Variants in CCDC148 observed in about 807,000 individuals in gnomAD.
CCDC148 encodes coiled-coil domain containing 148.
A neutral mutation model predicts 85.7 loss-of-function variants in CCDC148; 89 were observed. The ratio of observed to expected loss-of-function variants is 1.04; its 90% CI spans 0.87 to 1.24. The LOEUF (loss-of-function observed/expected upper bound fraction) is 1.24, where lower values mean the gene tolerates loss of function less well. CCDC148 is among the 50% of genes most tolerant of loss of function. The pLI, the probability that CCDC148 is intolerant of heterozygous loss-of-function variation, is 0.00. For missense variants in CCDC148, 692 were observed against 671.7 expected, an observed-to-expected ratio of 1.03 and a Z score of -0.33; for synonymous variants, 230 against 213.9, an observed-to-expected ratio of 1.08 and a Z score of -0.66.
chr2:158,267,381 G>A (rs1471865827), intron 9 of CCDC148, among the ~76,000 whole-genome samples: 1 of 152,128 alleles, frequency 6.6e-6, no homozygotes, highest in African/African-American at 2.4e-5. Flanking sequence ...GACGAGACAA[G>A]GCAATCATTT....
In CCDC148 at chr2:158,228,796, C is replaced by T. The variant is rs1207901130; in HGVS notation, c.1252-8083G>A. ...ACACAGAAAGGGGAACATCACACAC[C>T]CGGGCCTGTTGTGGGGTTGGGGGGA... is the stretch of plus-strand genomic sequence containing the variant. On this transcript the variant is annotated intron_variant, in intron 10 of 13. Transcript: ENST00000283233. Among the ~76,000 whole-genome samples, 4 of 92,748 alleles carry T rather than the reference C, an allele frequency of 4.3e-5. No individual in the cohort carries two copies. The Admixed American group carries it at 6.5e-4, about 15-fold the overall frequency. 60.8% of individuals were successfully genotyped at this position (92,748 alleles called of 152,430 possible).
Position 158,309,644 on chromosome 2 carries a change from AAAGAT to A in CCDC148, c.904-10_904-6del. The A allele has an allele frequency of 6.2e-7, 1 of 1,601,192 alleles. No homozygotes were observed. Among genetic ancestry groups the A allele is most frequent in the Non-Finnish European group, 8.5e-7 (1 of 1,170,094 alleles). On this transcript the variant is annotated splice_region_variant and splice_polypyrimidine_tract_variant and intron_variant, in intron 8 of 13. Transcript: ENST00000283233. ...ACAATATTTCTCGTGTTCAACCTGAAAAGATAACAGAGGGTGAATACTTATCATTA... is the reference window on the plus strand; with the variant it reads ...ACAATATTTCTCGTGTTCAACCTGAAAACAGAGGGTGAATACTTATCATTA...
chr2:158,352,652 T>A (rs1458218949), intron 2 of CCDC148, among the ~76,000 whole-genome samples: 6 of 152,232 alleles, frequency 3.9e-5, no homozygotes, highest in South Asian at 2.1e-4. Context: ...AAAACAGTCT[T>A]CAGGATATTA....
rs751709913 is a variant in CCDC148, at chr2:158,338,884, T to C, written c.606A>G (p.Glu202=). The change falls in exon 7 of 14, where the codon GAA becomes GAG. Residue 202 remains glutamate (E), a synonymous_variant. Transcript: ENST00000283233. The stretch of plus-strand genomic sequence containing the variant: ...GCAGTTCACTAAGCGGGTTAGTCTT[T>C]TCTTCCAAAGAATGATCTAGAATCT... The part of the protein sequence containing the change: ...SIKILDHSLE[E]KTNPLSELPI... 3 of 1,606,734 alleles carry C rather than the reference T, an allele frequency of 1.9e-6. No individual in the cohort carries two copies. The highest frequency in any genetic ancestry group is 2.5e-6 in the Non-Finnish European group (3 of 1,178,110).
In CCDC148 at chr2:158,250,865, C is replaced by A. The variant is rs201864639; in HGVS notation, c.1158G>T (p.Met386Ile). ...AHQEEVARLEMEISARRREKE... is the reference protein window; with the variant it reads ...AHQEEVARLEIEISARRREKE... Reference sequence around the variant, plus strand: ...TTTCTCTTCTTCTGGCAGAAATTTCCATTTCCAGTCTTGCTACCTCTTCTT... The same window carrying A: ...TTTCTCTTCTTCTGGCAGAAATTTCAATTTCCAGTCTTGCTACCTCTTCTT... The change falls in exon 10 of 14, where the codon ATG becomes ATT. Residue 386 changes from methionine to isoleucine, a missense_variant. Physicochemically the swap from Met to Ile is conservative, Grantham distance 10 (BLOSUM62 1). Coordinates refer to ENST00000283233, the MANE Select transcript of CCDC148 (RefSeq NM_138803.4). 7.3e-5 allele frequency: 118 copies of A among 1,608,018 alleles called. No homozygotes were observed. The East Asian group carries it at 2.5e-3, about 34-fold the overall frequency.
chr2:158,259,793 C>G (rs1275508715), intron 9 of CCDC148, among the ~76,000 whole-genome samples: 2 of 151,852 alleles, frequency 1.3e-5, no homozygotes, highest in African/African-American at 4.8e-5. Context: ...GGCTTTTGTC[C>G]TTCTCTGCCT....
chr2:158,359,833 C>A (rs576417925), intron 1 of CCDC148, among the ~76,000 whole-genome samples: 33 of 152,262 alleles, frequency 2.2e-4, no homozygotes, highest in African/African-American at 7.2e-4. Flanking sequence ...GAACCATTCA[C>A]TCCCCTGGAA....
chr2:158,404,215 G>A (rs1324630061), intron 1 of CCDC148, among the ~76,000 whole-genome samples: 1 of 152,064 alleles, frequency 6.6e-6, no homozygotes, highest in Non-Finnish European at 1.5e-5. Flanking sequence ...CACTCCTGAG[G>A]TTGAAAGGGG....
intron 10 of CCDC148, among the ~76,000 whole-genome samples, chr2:158,237,505 C>T (rs115275099): frequency 0.027 from 4,068 of 152,058 alleles, 158 homozygotes; most frequent in African/African-American, 0.087. Flanking sequence ...AACAGGTAAG[C>T]GTATAAGGGC....
intron 2 of CCDC148, among the ~76,000 whole-genome samples, chr2:158,347,337 A>G (rs1451701315): frequency 6.6e-6 from 1 of 152,144 alleles, no homozygotes; most frequent in Admixed American, 6.5e-5. Flanking sequence ...GTAGACTATA[A>G]AAGTCAAAAT....
intron 1 of CCDC148, among the ~76,000 whole-genome samples, chr2:158,384,384 T>A (rs1272544775): frequency 6.6e-6 from 1 of 152,202 alleles, no homozygotes; most frequent in Non-Finnish European, 1.5e-5. Context: ...TAATCCCCAG[T>A]GCTGGAGGAG....
intron 9 of CCDC148, among the ~76,000 whole-genome samples, chr2:158,256,550 G>A (rs1003667593): frequency 6.6e-6 from 1 of 151,716 alleles, no homozygotes; most frequent in African/African-American, 2.4e-5. Context: ...GTGTGATGTG[G>A]TTGTTTTATA....
At chr2:158,435,855 C>G (rs531178249) in intron 1 of CCDC148, among the ~76,000 whole-genome samples, 5 of 151,954 alleles carry the variant, frequency 3.3e-5, no homozygotes, top group African/African-American at 1.2e-4. Flanking sequence ...GACTTTGAAC[C>G]GACAAAGATC....
chr2:158,331,242 G>A (rs896519835), intron 7 of CCDC148, among the ~76,000 whole-genome samples: 1 of 152,082 alleles, frequency 6.6e-6, no homozygotes, highest in Non-Finnish European at 1.5e-5. Flanking sequence ...ACACCTTTAT[G>A]TCTGCCTTCA....
At chr2:158,393,703 A>G (rs1279442899) in intron 1 of CCDC148, among the ~76,000 whole-genome samples, 2 of 152,156 alleles carry the variant, frequency 1.3e-5, no homozygotes, top group Admixed American at 1.3e-4. Context: ...AAAATTAAAT[A>G]GATGAGCTGA....
chr2:158,425,422 G>A (rs979323450), intron 1 of CCDC148: 7 of 345,296 alleles, frequency 2.0e-5, no homozygotes, highest in Non-Finnish European at 3.4e-5. Flanking sequence ...ACTTTCTAGT[G>A]TACAAGACAC....
At chr2:158,214,326 T>G (rs1008835005) in intron 11 of CCDC148, among the ~76,000 whole-genome samples, 2 of 152,162 alleles carry the variant, frequency 1.3e-5, no homozygotes, top group African/African-American at 4.8e-5. Context: ...GAAACTTACC[T>G]GTGGCAAGCA....
At chr2:158,325,758 T>C (rs530372061) in intron 7 of CCDC148, among the ~76,000 whole-genome samples, 9 of 152,318 alleles carry the variant, frequency 5.9e-5, no homozygotes, top group African/African-American at 2.2e-4. Context: ...TCCATCCTTC[T>C]AGTTGCTCAG....
intron 9 of CCDC148, among the ~76,000 whole-genome samples, chr2:158,257,818 G>A (rs1689070812): frequency 6.6e-6 from 1 of 151,768 alleles, no homozygotes; most frequent in Non-Finnish European, 1.5e-5. Flanking sequence ...TCTAACCTTA[G>A]TGTAAAACAA....
Sources: gnomAD v4.1 joint callset for allele counts (sites outside exome capture counted in the v4.1 genomes callset) on GRCh38, gnomAD v4.1.1 for gene constraint, MANE v1.5 for transcripts, NCBI Gene and HGNC (gene_info 2026-07-23, HGNC 2026-07-21) for gene names.